Variants in SYT14 observed in about 807,000 individuals in gnomAD.
SYT14 encodes synaptotagmin-14.
SYT14 carries 32 observed loss-of-function variants against 74.2 expected under a neutral mutation model. The observed-to-expected ratio is 0.43, with a 90% CI of 0.33 to 0.58. The LOEUF (loss-of-function observed/expected upper bound fraction) is 0.58, where lower values mean the gene tolerates loss of function less well. SYT14 is among the 20% of genes least tolerant of loss of function. The probability of loss-of-function intolerance (pLI) is 0.05; values close to 1 mark genes in which losing one functional copy is unlikely to be tolerated. For missense variants in SYT14, 791 were observed against 981.8 expected (o/e 0.81, Z 2.60); for synonymous variants, 298 against 337.7 (o/e 0.88, Z 1.29).
chr1:210,134,861 A>G (rs182590600), intron 7 of SYT14, among the ~76,000 whole-genome samples: 106 of 152,342 alleles, frequency 7.0e-4, no homozygotes, highest in Admixed American at 2.5e-3. Context: ...ACTTCTTCAA[A>G]TATTAATTCT....
intron 5 of SYT14, among the ~76,000 whole-genome samples, chr1:210,036,684 A>T (rs58775140): frequency 0.16 from 24,869 of 152,070 alleles, 6,468 homozygotes; most frequent in African/African-American, 0.55. Flanking sequence ...ATCTGTTGAG[A>T]TGATAATATA....
Position 210,160,972 on chromosome 1 carries a change from A to G in SYT14, c.2525A>G (p.Asn842Ser), listed in dbSNP as rs1369650662. ...AACAGCTCTGGAGAAGAAGAACTCA[A>G]TCACTGGACTGAAATGAAAGAGTCA... The change falls in exon 10 of 10, where the codon AAT (asparagine) becomes AGT (serine). Residue 842 changes from asparagine to serine, a missense_variant. Transcript: ENST00000637265. The G allele has an allele frequency of 1.1e-5, 17 of 1,613,920 alleles. No homozygotes were observed. Among genetic ancestry groups the G allele is most frequent in the African/African-American group, 1.3e-5 (1 of 74,942 alleles).
chr1:210,017,988 A>G (rs1572164659), intron 4 of SYT14, among the ~76,000 whole-genome samples: 1 of 152,252 alleles, frequency 6.6e-6, no homozygotes, highest in Admixed American at 6.5e-5. Context: ...TGCTACGACT[A>G]CATACATAAT....
At chr1:209,960,806 T>C (rs1424926327) in intron 2 of SYT14, among the ~76,000 whole-genome samples, 1 of 152,188 alleles carries the variant, frequency 6.6e-6, no homozygotes, top group Admixed American at 6.5e-5. Flanking sequence ...ACAATAGATA[T>C]CCTATATCTG....
At chr1:210,068,223 T>C (rs1166073649) in intron 5 of SYT14, among the ~76,000 whole-genome samples, 1 of 151,908 alleles carries the variant, frequency 6.6e-6, no homozygotes, top group African/African-American at 2.4e-5. Flanking sequence ...TCTGTTCATG[T>C]TGTGAATTAC....
At chr1:210,140,238 A>G (rs1416508594) in intron 7 of SYT14, among the ~76,000 whole-genome samples, 6 of 152,116 alleles carry the variant, frequency 3.9e-5, no homozygotes, top group Admixed American at 3.9e-4. Flanking sequence ...TCATGTGCTT[A>G]TTGACCATTC....
chr1:210,003,089 ATAGTC>A (rs1473868433), intron 2 of SYT14, among the ~76,000 whole-genome samples: 2 of 152,172 alleles, frequency 1.3e-5, no homozygotes, highest in African/African-American at 4.8e-5. Context: ...ATTTAGATCT[ATAGTC>A]TATCTAGAAT....
intron 6 of SYT14, among the ~76,000 whole-genome samples, chr1:210,097,957 C>T (rs1052318481): frequency 1.3e-4 from 20 of 152,130 alleles, no homozygotes; most frequent in African/African-American, 4.6e-4. Context: ...CAGGAGGGTT[C>T]CTTGAGCCCA....
intron 2 of SYT14, among the ~76,000 whole-genome samples, chr1:210,013,007 T>C (rs1332124507): frequency 2.6e-5 from 4 of 151,952 alleles, no homozygotes; most frequent in African/African-American, 9.7e-5. Context: ...TGGCCTTTTT[T>C]CTAATTCTTA....
At chr1:209,956,419 T>G (rs2078993279) in intron 2 of SYT14, among the ~76,000 whole-genome samples, 2 of 152,178 alleles carry the variant, frequency 1.3e-5, no homozygotes, top group Admixed American at 1.3e-4. Context: ...TCTGGCATCT[T>G]CAGCACATGG....
chr1:210,153,207 G>T (rs2083202428), intron 7 of SYT14, among the ~76,000 whole-genome samples: 2 of 152,142 alleles, frequency 1.3e-5, no homozygotes, highest in South Asian at 4.1e-4. Context: ...TTCTACAAGA[G>T]AACTATGATA....
chr1:210,161,117 C>G (rs768808954), exon 10 of SYT14: 4 of 1,483,442 alleles, frequency 2.7e-6, no homozygotes, highest in Non-Finnish European at 3.7e-6. Context: ...CTACCAAGTC[C>G]CATTAGAAGA....
chr1:210,009,871 A>G (rs1014401846), intron 2 of SYT14, among the ~76,000 whole-genome samples: 6 of 152,086 alleles, frequency 3.9e-5, no homozygotes, highest in Admixed American at 3.9e-4. Context: ...TGGTTAGTGC[A>G]TTACCATTTA....
chr1:210,094,707 T>G, intron 6 of SYT14, 114 bp downstream of exon 5: 5 of 1,206,508 alleles, frequency 4.1e-6, no homozygotes, highest in Non-Finnish European at 6.0e-6. Flanking sequence ...TTGTAACTTA[T>G]AGTACCAGTA....
intron 7 of SYT14, among the ~76,000 whole-genome samples, chr1:210,124,645 C>G (rs929314771): frequency 1.3e-5 from 2 of 152,160 alleles, no homozygotes; most frequent in African/African-American, 4.8e-5. Flanking sequence ...GCTAAGGCTT[C>G]AAAATGGTAA....
At chr1:210,061,154 C>T (rs2081200981) in intron 5 of SYT14, among the ~76,000 whole-genome samples, 1 of 151,800 alleles carries the variant, frequency 6.6e-6, no homozygotes, top group Non-Finnish European at 1.5e-5. Flanking sequence ...TAATTTCATC[C>T]TTCATATTAC....
intron 5 of SYT14, among the ~76,000 whole-genome samples, chr1:210,041,124 C>T (rs1168295463): frequency 6.6e-6 from 1 of 152,182 alleles, no homozygotes; most frequent in Non-Finnish European, 1.5e-5. Flanking sequence ...GGACATTGAA[C>T]ATTTGCCCAC....
intron 5 of SYT14, among the ~76,000 whole-genome samples, chr1:210,059,445 TATATATAGAGAGAG>T (rs1200998732): frequency 4.1e-5 from 4 of 96,804 alleles, no homozygotes; most frequent in Non-Finnish European, 5.8e-5. Context: ...TATATATATA[TATATATAGAGAGAG>T]AGAGAGAGAG....
At chr1:210,012,497 G>C (rs890104678) in intron 2 of SYT14, among the ~76,000 whole-genome samples, 3 of 152,066 alleles carry the variant, frequency 2.0e-5, no homozygotes, top group Admixed American at 6.6e-5. Flanking sequence ...TGAATATTGC[G>C]GATTCTGAGG....
Sources: allele counts gnomAD v4.1 joint callset (sites outside exome capture counted in the v4.1 genomes callset), GRCh38; gene constraint gnomAD v4.1.1; transcripts MANE v1.5; gene names NCBI Gene and HGNC (gene_info 2026-07-23, HGNC 2026-07-21).